The following NUP214 variants were observed in gnomAD, a reference collection of about 807,000 sequenced individuals.
NUP214 encodes the protein nuclear pore complex protein Nup214.
NUP214 carries 79 observed loss-of-function variants against 196.2 expected under a neutral mutation model. The observed-to-expected ratio is 0.40, with a 90% CI of 0.34 to 0.49. The LOEUF (loss-of-function observed/expected upper bound fraction) is 0.49. Among genes scored for constraint, NUP214 ranks in the 20% least tolerant of loss-of-function variants. NUP214 has a pLI of 0.58. For synonymous variants in NUP214, 1,020 were observed against 990.5 expected, an observed-to-expected ratio of 1.03 and a Z score of -0.56; for missense variants, 2,468 against 2,539.0, an observed-to-expected ratio of 0.97 and a Z score of 0.60.
rs1486198469 is a variant in NUP214 at position 131,151,767 on chromosome 9, C to T, written c.2309C>T (p.Thr770Ile). ...SLHGDISSLK[T>I]TLLEGFAGVE... ...CATGGAGATATAAGTAGCCTGAAAA[C>T]AACTTTACTTGAGGGCTTTGCTGGT... is the stretch of plus-strand genomic sequence containing the variant. Residue 770 changes from threonine (T) to isoleucine (I), a missense_variant, in exon 17 of 36, where the codon ACA (threonine) becomes ATA (isoleucine). Physicochemically the swap from Thr to Ile is moderately conservative, Grantham distance 89. Transcript: ENST00000359428. 2 of 1,612,738 alleles carry T rather than the reference C, an allele frequency of 1.2e-6. No individual in the cohort carries two copies. The highest frequency in any genetic ancestry group is 1.7e-5 in the Admixed American group (1 of 59,728).
intron 21 of NUP214, among the ~76,000 whole-genome samples, chr9:131,165,493 G>GA (rs1832762006): frequency 6.6e-6 from 1 of 152,222 alleles, no homozygotes; most frequent in South Asian, 2.1e-4. Context: ...TGAAGATATG[G>GA]AAAAAATGGA....
At chr9:131,202,046 C>T (rs1833954538) in intron 30 of NUP214, among the ~76,000 whole-genome samples, 1 of 152,172 alleles carries the variant, frequency 6.6e-6, no homozygotes, top group African/African-American at 2.4e-5. Context: ...TGACTCTAGC[C>T]ATAAACTCCT....
chr9:131,130,476 G>C (rs953544643), intron 4 of NUP214, among the ~76,000 whole-genome samples: 14 of 151,994 alleles, frequency 9.2e-5, no homozygotes, highest in African/African-American at 3.4e-4. Context: ...AACCTTCTCT[G>C]TTCTCCTTGT....
In NUP214 at chr9:131,146,920, C is replaced by T. The variant is rs1832100868; in HGVS notation, c.1946-570C>T. 7.3e-6 allele frequency among the ~76,000 whole-genome samples: 1 copy of T among 137,736 alleles called. No homozygotes were observed. Among genetic ancestry groups the T allele is most frequent in the African/African-American group, 2.7e-5 (1 of 36,516 alleles). 90.4% of individuals were successfully genotyped at this position (137,736 alleles called of 152,430 possible). ...TCTCCAGCCTGGCGACAGAGCGAGA[C>T]TCTGTCTCAAAAAAAAAAAAAAGTA... On this transcript the variant is annotated intron_variant, in intron 13 of 35. Transcript: ENST00000359428. This position sits in a 1 kb window ranked among gnomAD's most constrained non-coding sequence, Gnocchi z 4.6.
chr9:131,172,303 A>G (rs1832982042), intron 21 of NUP214, among the ~76,000 whole-genome samples: 1 of 152,286 alleles, frequency 6.6e-6, no homozygotes, highest in East Asian at 1.9e-4. Context: ...TCTGATGGCC[A>G]GTGATGGTGA....
intron 31 of NUP214, 139 bp downstream of exon 31, chr9:131,215,507 G>GATCACACTGCTT: frequency 1.0e-6 from 1 of 962,304 alleles, no homozygotes; most frequent in Non-Finnish European, 1.4e-6. Context: ...CCCCAAAGCA[G>GATCACACTGCTT]TGTGATCTGT....
chr9:131,166,253 G>A (rs1187230788), intron 21 of NUP214, among the ~76,000 whole-genome samples: 1 of 152,142 alleles, frequency 6.6e-6, no homozygotes, highest in Non-Finnish European at 1.5e-5. Context: ...TGTATTAGAA[G>A]GCCATAATGC....
At chr9:131,143,826 C>G (rs369784329) in intron 11 of NUP214, among the ~76,000 whole-genome samples, 42 of 149,654 alleles carry the variant, frequency 2.8e-4, no homozygotes, top group African/African-American at 1.0e-3. Context: ...TTTTTTTGGT[C>G]ACTTCTAAAT....
intron 28 of NUP214, 124 bp downstream of exon 28, chr9:131,195,418 C>T (rs1489734123): frequency 5.3e-6 from 4 of 752,464 alleles, no homozygotes; most frequent in Non-Finnish European, 9.4e-6. Flanking sequence ...GCAATAAGCT[C>T]AGTGTTGATA....
chr9:131,219,692 CTG>C (rs1271633740), intron 31 of NUP214, among the ~76,000 whole-genome samples: 1 of 152,244 alleles, frequency 6.6e-6, no homozygotes, highest in Non-Finnish European at 1.5e-5. Flanking sequence ...CCTGAGGACA[CTG>C]TGTAGGGCCA....
rs1445426699 is a variant in NUP214 at position 131,144,379 on chromosome 9, C to T, written c.1394C>T (p.Ala465Val). Residue 465 changes from alanine to valine, a missense_variant, in exon 12 of 36, where the codon GCT becomes GTT. Around this residue, in one of 5 missense-constraint regions of NUP214, gnomAD observed 1,801 missense variants for 1,779.4 expected, o/e 1.01. Coordinates refer to ENST00000359428, the MANE Select transcript of NUP214 (RefSeq NM_005085.4). The part of the protein sequence containing the change: ...PASLPPSSPA[A>V]PIATFSLLPA... The stretch of plus-strand genomic sequence containing the variant: ...TCTCTGCCACCTTCATCACCTGCTG[C>T]TCCCATTGCCACTTTTTCTTTGCTT... The T allele has an allele frequency of 2.5e-6, 4 of 1,614,058 alleles. No homozygotes were observed. The highest frequency in any genetic ancestry group is 3.4e-6 in the Non-Finnish European group (4 of 1,180,032).
intron 9 of NUP214, among the ~76,000 whole-genome samples, chr9:131,139,062 A>G (rs935331138): frequency 6.6e-6 from 1 of 152,126 alleles, no homozygotes; most frequent in Non-Finnish European, 1.5e-5. Context: ...GAGGGGGTTG[A>G]TTTGGAAAAT....
Position 131,146,216 on chromosome 9 carries a change from TG to T in NUP214, c.1858del (p.Ala620LeufsTer20). ...SPFSSASKPAASGPLSHPTPL... is the reference protein window; with the variant it reads ...SPFSSASKPAXSGPLSHPTPL... ...CATTCTCTTCTGCCTCCAAGCCAGC[TG>T]CTTCTGGACCACTCAGCCACCCCAC... is the stretch of plus-strand genomic sequence containing the variant. On this transcript the variant is annotated frameshift_variant, in exon 13 of 36. Transcript: ENST00000359428. LOFTEE classifies it high-confidence loss of function. The surrounding 1 kb of genome is among the most constrained non-coding windows in gnomAD (Gnocchi z 4.6). 6.2e-7 allele frequency: 1 copy of T among 1,614,162 alleles called. No individual in the cohort carries two copies. Among genetic ancestry groups the T allele is most frequent in the Non-Finnish European group, 8.5e-7 (1 of 1,180,022 alleles).
intron 30 of NUP214, among the ~76,000 whole-genome samples, chr9:131,214,334 T>G (rs1486515077): frequency 6.6e-6 from 1 of 152,210 alleles, no homozygotes; most frequent in African/African-American, 2.4e-5. Flanking sequence ...TTCTAAAGTG[T>G]GTTACATTTC....
chr9:131,128,241 G>C, intron 2 of NUP214, 91 bp from the exon 3 acceptor site: 1 of 1,242,846 alleles, frequency 8.0e-7, no homozygotes, highest in Non-Finnish European at 1.1e-6. Flanking sequence ...TTATGTAGAT[G>C]CAAAAATTTT....
rs553011237 is a variant in NUP214, at chr9:131,182,702, G to A, written c.3419+4292G>A. 7.2e-5 allele frequency among the ~76,000 whole-genome samples: 11 copies of A among 152,158 alleles called. No individual in the cohort carries two copies. The South Asian group carries it at 1.0e-3, about 14-fold the overall frequency. The stretch of plus-strand genomic sequence containing the variant: ...GACTTTTAATTGGGGTGATTAGATC[G>A]TTTACCTTAAGTGTAATTATTGACA... On this transcript the variant is annotated intron_variant, in intron 24 of 35. Transcript: ENST00000359428.
At chr9:131,149,746 G>GGT (rs1261405903) in intron 14 of NUP214, among the ~76,000 whole-genome samples, 2 of 152,080 alleles carry the variant, frequency 1.3e-5, no homozygotes, top group East Asian at 3.9e-4. Context: ...CAAACTCCTT[G>GGT]GTGTGACCTT....
intron 13 of NUP214, 66 bp from the exon 14 acceptor site, chr9:131,147,409 GATTTGGAGAAAGGAC>G (rs1832116000): frequency 9.3e-7 from 1 of 1,071,690 alleles, no homozygotes; most frequent in African/African-American, 1.6e-5. Context: ...TAATTTCTTA[GATTTGGAGAAAGGAC>G]ATTTGTGATA....
intron 31 of NUP214, among the ~76,000 whole-genome samples, chr9:131,220,176 G>A (rs538352952): frequency 1.3e-4 from 20 of 152,186 alleles, no homozygotes; most frequent in African/African-American, 4.6e-4. Context: ...TTTTTTTACT[G>A]GATAGTTTAT....
Sources: gnomAD v4.1 joint callset for allele counts (sites outside exome capture counted in the v4.1 genomes callset) on GRCh38, gnomAD v4.1.1 for gene constraint, gnomAD v4.1.1 regional missense constraint, Gnocchi (gnomAD v3.1) non-coding constraint, MANE v1.5 for transcripts, NCBI Gene and HGNC (gene_info 2026-07-23, HGNC 2026-07-21) for gene names.